Variants in MXRA8 observed in about 807,000 individuals in gnomAD.
The protein encoded by MXRA8 is matrix remodeling-associated protein 8.
A neutral mutation model predicts 51.4 loss-of-function variants in MXRA8; 44 were observed. The observed-to-expected ratio is 0.86, with a 90% CI of 0.67 to 1.10. MXRA8 has a LOEUF of 1.10. Among genes scored for constraint, MXRA8 ranks in the 50% least tolerant of loss-of-function variants. The probability of loss-of-function intolerance (pLI) is 0.00; values close to 1 mark genes in which losing one functional copy is unlikely to be tolerated. For synonymous variants in MXRA8, 369 were observed against 293.5 expected (o/e 1.26, Z -2.63); for missense variants, 765 against 638.9 (o/e 1.20, Z -2.13).
upstream of MXRA8, chr1:1,361,674 G>C: frequency 3.6e-6 from 1 of 279,390 alleles, no homozygotes; most frequent in South Asian, 4.0e-5. Flanking sequence ...CGCCGCACCT[G>C]CCACGCACAT....
chr1:1,354,062 T>A lies in MXRA8; in HGVS notation c.1190A>T (p.Gln397Leu). 6.2e-7 allele frequency: 1 copy of A among 1,612,908 alleles called. No individual in the cohort carries two copies. The highest frequency in any genetic ancestry group is 8.5e-7 in the Non-Finnish European group (1 of 1,179,970). ...GATGTCCTCACTCCTGTAAAGCATC[T>A]GGTCCCCTGCAGCCACAGCGAACTC... ...LAEFAVAAGD[Q>L]MLYRSEDIQL... Residue 397 changes from glutamine to leucine, a missense_variant, in exon 8 of 10, where the codon CAG (glutamine) becomes CTG (leucine). Physicochemically the swap from Gln to Leu is moderately radical, Grantham distance 113. Transcript: ENST00000309212.
upstream of MXRA8, among the ~76,000 whole-genome samples, chr1:1,363,050 T>G (rs1644237777): frequency 6.6e-6 from 1 of 150,572 alleles, no homozygotes; most frequent in Non-Finnish European, 1.5e-5. Context: ...ACCACTGCAC[T>G]CCAGCCTGGT....
chr1:1,356,600 G>A (rs1186933324), intron 2 of MXRA8, 81 bp downstream of exon 2: 3 of 1,003,964 alleles, frequency 3.0e-6, no homozygotes, highest in Non-Finnish European at 3.9e-6. Flanking sequence ...CAGGGCCTGA[G>A]GACCCCCGGG....
Position 1,356,711 on chromosome 1 carries a change from G to T in MXRA8, c.50-7C>A. The stretch of plus-strand genomic sequence containing the variant: ...TGCAGGAGAACAGCAGAGCCTGGAA[G>T]GAGAGGAGTGAGCTGGAGAGGCCAC... On this transcript the variant is annotated splice_polypyrimidine_tract_variant and splice_region_variant and intron_variant, in intron 1 of 9. Transcript: ENST00000309212. The T allele has an allele frequency of 7.0e-7, 1 of 1,428,870 alleles. No individual in the cohort carries two copies. Among genetic ancestry groups the T allele is most frequent in the Admixed American group, 2.4e-5 (1 of 42,416 alleles). The allele number at this position is 1,428,870 out of a possible 1,614,324, so 88.5% of individuals were successfully genotyped here.
rs563917777 is a variant in MXRA8, at chr1:1,355,965, C to T, written c.74-213G>A. 3.9e-4 allele frequency among the ~76,000 whole-genome samples: 13 copies of T among 33,518 alleles called. No individual in the cohort carries two copies. The East Asian group carries it at 9.5e-3, about 25-fold the overall frequency. The allele number at this position is 33,518 out of a possible 152,430, so 22.0% of individuals were successfully genotyped here. ...GGAGGGGGAGTCACTGGGGGAGGGG[C>T]GGACCCTGATGGTCCTGATGGGGGA... On this transcript the variant is annotated intron_variant, in intron 2 of 9. Coordinates refer to ENST00000309212, the MANE Select transcript of MXRA8 (RefSeq NM_032348.4).
Position 1,355,600 on chromosome 1 carries a change from C to G in MXRA8, c.226G>C (p.Asp76His). 1.4e-6 allele frequency: 2 copies of G among 1,472,110 alleles called. No homozygotes were observed. Among genetic ancestry groups the G allele is most frequent in the Non-Finnish European group, 8.9e-7 (1 of 1,118,274 alleles). The allele number at this position is 1,472,110 out of a possible 1,614,324, so 91.2% of individuals were successfully genotyped here. The part of the protein sequence containing the change: ...LHDRQRVLHW[D>H]LRGPGGGPAR... ...GGGCCACCCCCGGGGCCGCGCAGGTCCCAGTGGAGCACGCGCTGGCGGTCG... is the reference window on the plus strand; with the variant it reads ...GGGCCACCCCCGGGGCCGCGCAGGTGCCAGTGGAGCACGCGCTGGCGGTCG... Residue 76 changes from aspartate (D) to histidine (H), a missense_variant, in exon 3 of 10, where the codon GAC (aspartate) becomes CAC (histidine). By Grantham distance (81) the Asp-to-His change is moderately conservative. Transcript: ENST00000309212.
At chr1:1,357,651 CA>C (rs1015414781) in intron 1 of MXRA8, among the ~76,000 whole-genome samples, 45 of 152,228 alleles carry the variant, frequency 3.0e-4, no homozygotes, top group African/African-American at 1.1e-3. Context: ...ACTAAAAATA[CA>C]AAAAATTAGC....
intron 4 of MXRA8, 31 bp downstream of exon 4, chr1:1,355,213 G>A (rs1338069378): frequency 6.8e-7 from 1 of 1,472,610 alleles, no homozygotes; most frequent in East Asian, 2.8e-5. Flanking sequence ...GTCGAGGGGC[G>A]GGAGCTGGGG....
intron 2 of MXRA8, among the ~76,000 whole-genome samples, 173 bp from the exon 3 acceptor site, chr1:1,355,925 G>A (rs1378430690): frequency 3.3e-5 from 4 of 119,760 alleles, no homozygotes; most frequent in Admixed American, 1.6e-4. Flanking sequence ...GCAGACCCCC[G>A]AGGGCCTGGA....
upstream of MXRA8, chr1:1,361,148 A>G (rs182108926): frequency 1.4e-6 from 1 of 696,316 alleles, no homozygotes; most frequent in Non-Finnish European, 2.6e-6. Flanking sequence ...CACAGAGAAG[A>G]TACACGGAAA....
In MXRA8 at chr1:1,354,369, G is replaced by C; in HGVS notation, c.1090C>G (p.Arg364Gly). 1 of 1,611,394 alleles carries C rather than the reference G, an allele frequency of 6.2e-7. No individual in the cohort carries two copies. Among genetic ancestry groups the C allele is most frequent in the East Asian group, 2.2e-5 (1 of 44,832 alleles). The change falls in exon 6 of 10, where the codon CGC becomes GGC. Residue 364 changes from arginine to glycine, a missense_variant. By Grantham distance (125) the Arg-to-Gly change is moderately radical (BLOSUM62 -2). Transcript: ENST00000309212. The part of the protein sequence containing the change: ...LLLVTVLLAA[R>G]RRRGGYEYSD... ...GCAGCCTCACCTCCGCGGCGCCTGC[G>C]GGCGGCCAGGAGGACAGTGACCAGT...
rs753144525 is a variant in MXRA8, at chr1:1,358,534, A to C, written c.-30T>G. On this transcript the variant is annotated 5_prime_UTR_variant, in exon 1 of 10. Transcript: ENST00000309212. ...CCCGCCCAGCCCCAGGCTTTGTCCC[A>C]CTCGGCTCTAAGTCTCTCTCCAGAA... 3 of 1,605,294 alleles carry C rather than the reference A, an allele frequency of 1.9e-6. No individual in the cohort carries two copies. Among genetic ancestry groups the C allele is most frequent in the Non-Finnish European group, 2.6e-6 (3 of 1,175,990 alleles).
upstream of MXRA8, chr1:1,358,787 G>A (rs568637146): frequency 6.5e-5 from 78 of 1,201,000 alleles, no homozygotes; most frequent in East Asian, 3.0e-4. Flanking sequence ...AAGAAGGTCC[G>A]AGGACATGGG....
At chr1:1,361,625 C>CA, upstream of MXRA8, 1 of 395,080 alleles carries the variant, frequency 2.5e-6, no homozygotes, top group South Asian at 2.4e-5. Flanking sequence ...GACACCAACA[C>CA]AGACAGGGTT....
Position 1,355,597 on chromosome 1 carries a change from G to C in MXRA8, c.229C>G (p.Leu77Val), listed in dbSNP as rs1335058186. 6.8e-7 allele frequency: 1 copy of C among 1,471,116 alleles called. No individual in the cohort carries two copies. Among genetic ancestry groups the C allele is most frequent in the Non-Finnish European group, 8.9e-7 (1 of 1,117,816 alleles). The allele number at this position is 1,471,116 out of a possible 1,614,324, so 91.1% of individuals were successfully genotyped here. A position where few individuals can be genotyped will look rare whatever the true frequency, so the allele number is the denominator to read the frequency against. ...GCGGGGCCACCCCCGGGGCCGCGCA[G>C]GTCCCAGTGGAGCACGCGCTGGCGG... ...HDRQRVLHWD[L>V]RGPGGGPARR... The change falls in exon 3 of 10, where the codon CTG (leucine) becomes GTG (valine). Residue 77 changes from leucine (L) to valine (V), a missense_variant. Physicochemically the swap from Leu to Val is conservative, Grantham distance 32. Coordinates refer to ENST00000309212, the MANE Select transcript of MXRA8 (RefSeq NM_032348.4).
In MXRA8 at chr1:1,355,572, G is replaced by C. The variant is rs1387010639; in HGVS notation, c.254C>G (p.Ala85Gly). 11 of 1,479,660 alleles carry C rather than the reference G, an allele frequency of 7.4e-6. No homozygotes were observed. Among genetic ancestry groups the C allele is most frequent in the Non-Finnish European group, 9.8e-6 (11 of 1,122,932 alleles). The allele number at this position is 1,479,660 out of a possible 1,614,324, so 91.7% of individuals were successfully genotyped here. A position where few individuals can be genotyped will look rare whatever the true frequency, so the allele number is the denominator to read the frequency against. Residue 85 changes from alanine to glycine, a missense_variant, in exon 3 of 10, where the codon GCG becomes GGG. Physicochemically the swap from Ala to Gly is moderately conservative, Grantham distance 60 (BLOSUM62 0). Coordinates refer to ENST00000309212, the MANE Select transcript of MXRA8 (RefSeq NM_032348.4). ...CGAGTACAAGTCCAGCAGGCGCCGCGCGGGGCCACCCCCGGGGCCGCGCAG... is the reference window on the plus strand; with the variant it reads ...CGAGTACAAGTCCAGCAGGCGCCGCCCGGGGCCACCCCCGGGGCCGCGCAG... Reference protein sequence around the residue: ...WDLRGPGGGPARRLLDLYSAG... With the variant: ...WDLRGPGGGPGRRLLDLYSAG...
At position 1,354,435 on chromosome 1, in the gene MXRA8, G is replaced by T; in HGVS notation, c.1024C>A (p.Leu342Met). The change falls in exon 6 of 10, where the codon CTG becomes ATG. Residue 342 changes from leucine (L) to methionine (M), a missense_variant. Transcript: ENST00000309212. Reference sequence around the variant, plus strand: ...AGCAGCGTGGCCAGCACGTAGCCCAGCTGCTGGAAGAAGTGGGCTCGGCTC... The same window carrying T: ...AGCAGCGTGGCCAGCACGTAGCCCATCTGCTGGAAGAAGTGGGCTCGGCTC... The part of the protein sequence containing the change: ...PESRAHFFQQ[L>M]GYVLATLLLF... 6.2e-7 allele frequency: 1 copy of T among 1,612,490 alleles called. No homozygotes were observed.
chr1:1,359,048 T>G, upstream of MXRA8: 5 of 985,418 alleles, frequency 5.1e-6, no homozygotes, highest in Non-Finnish European at 6.0e-6. Flanking sequence ...CTCCAACCCT[T>G]GGCCCTGCAT....
rs1228746959 is a variant in MXRA8, at chr1:1,353,316, G to T, written c.*288C>A. ...AGGAATGTCTTCAGGCCCCCAGCGGGCAGAGCCCAGAAGGGTCTGAGGGCA... is the reference window on the plus strand; with the variant it reads ...AGGAATGTCTTCAGGCCCCCAGCGGTCAGAGCCCAGAAGGGTCTGAGGGCA... On this transcript the variant is annotated 3_prime_UTR_variant, in exon 10 of 10. Coordinates refer to ENST00000309212, the MANE Select transcript of MXRA8 (RefSeq NM_032348.4). 2 of 1,549,888 alleles carry T rather than the reference G, an allele frequency of 1.3e-6. No individual in the cohort carries two copies. The highest frequency in any genetic ancestry group is 2.0e-5 in the Admixed American group (1 of 50,888).
Sources: allele counts gnomAD v4.1 joint callset (sites outside exome capture counted in the v4.1 genomes callset), GRCh38; gene constraint gnomAD v4.1.1; transcripts MANE v1.5; gene names NCBI Gene and HGNC (gene_info 2026-07-23, HGNC 2026-07-21).